Variants in XPO6 observed in about 807,000 individuals in gnomAD.
XPO6 encodes the protein exportin 6.
In XPO6, 3 loss-of-function variants were observed where a neutral mutation model predicts 130.0. The ratio of observed to expected loss-of-function variants is 0.02; its 90% CI spans 0.01 to 0.06. XPO6 has a LOEUF of 0.06. XPO6 is among the 10% of genes least tolerant of loss of function. XPO6 has a pLI of 1.00. For missense variants in XPO6, 970 were observed against 1,393.0 expected, an observed-to-expected ratio of 0.70 and a Z score of 4.83; for synonymous variants, 524 against 548.9, an observed-to-expected ratio of 0.95 and a Z score of 0.63.
At chr16:28,121,240 T>C (rs28510842) in intron 14 of XPO6, among the ~76,000 whole-genome samples, 151,759 of 152,384 alleles carry the variant, frequency 1, 75,577 homozygotes, top group Middle Eastern at 1. Flanking sequence ...CTCTGAGAAA[T>C]GTGTTCCCCA....
intron 21 of XPO6, among the ~76,000 whole-genome samples, chr16:28,102,450 A>G (rs999814386): frequency 5.9e-5 from 9 of 152,214 alleles, no homozygotes; most frequent in Non-Finnish European, 1.2e-4. Context: ...AAAAGTTACT[A>G]GTTCAGTCCA....
intron 11 of XPO6, among the ~76,000 whole-genome samples, chr16:28,133,273 G>T (rs111734035): frequency 6.6e-5 from 10 of 152,036 alleles, no homozygotes. Context: ...GTAGGTGGAG[G>T]TTGCAGTGAG....
At position 28,192,196 on chromosome 16, in the gene XPO6, G is replaced by A. The variant is rs868191890; in HGVS notation, c.4-11165C>T. Among the ~76,000 whole-genome samples, 39 of 145,784 alleles carry A rather than the reference G, an allele frequency of 2.7e-4. No homozygotes were observed. The Middle Eastern group carries it at 0.011, about 42-fold the overall frequency. ...GAGAATCACTTGAACCCAGGTGGCA[G>A]AGACTGCAGTGAGCAGAGATCGGGC... On this transcript the variant is annotated intron_variant, in intron 1 of 23. Transcript: ENST00000304658.
intron 8 of XPO6, among the ~76,000 whole-genome samples, chr16:28,150,218 G>A (rs74014221): frequency 0.054 from 8,223 of 152,166 alleles, 573 homozygotes; most frequent in East Asian, 0.17. Flanking sequence ...CTCCCAGAAA[G>A]GAAGGTCCTC....
At chr16:28,150,911 A>G (rs1343714367) in intron 8 of XPO6, among the ~76,000 whole-genome samples, 3 of 152,070 alleles carry the variant, frequency 2.0e-5, no homozygotes, top group African/African-American at 7.2e-5. Context: ...CCTGAGGACT[A>G]TGACCTCGGC....
intron 2 of XPO6, among the ~76,000 whole-genome samples, chr16:28,178,626 G>A (rs1596940199): frequency 6.6e-6 from 1 of 152,034 alleles, no homozygotes; most frequent in African/African-American, 2.4e-5. Context: ...CGACAACTTA[G>A]GAGAGTGTCA....
At chr16:28,147,997 G>A (rs1399054419) in intron 8 of XPO6, among the ~76,000 whole-genome samples, 1 of 152,030 alleles carries the variant, frequency 6.6e-6, no homozygotes, top group Non-Finnish European at 1.5e-5. Flanking sequence ...CACTAGACTT[G>A]CCCATCCAAG....
At chr16:28,117,015 A>C in intron 15 of XPO6, 15 of 290,416 alleles carry the variant, frequency 5.2e-5, no homozygotes, top group Non-Finnish European at 7.5e-5. Flanking sequence ...AACTGTGCTT[A>C]CCGCGCGAAG....
In XPO6 at chr16:28,117,383, T is replaced by C. The variant is rs1055803411; in HGVS notation, c.1939A>G (p.Thr647Ala). 11 of 1,614,204 alleles carry C rather than the reference T, an allele frequency of 6.8e-6. No homozygotes were observed. Among genetic ancestry groups the C allele is most frequent in the Non-Finnish European group, 8.5e-6 (10 of 1,180,038 alleles). ...QYCSEVHRQN[T>A]QQFVTLISTT... is the part of the protein sequence containing the mutation. ...GAGATGAGTGTCACGAACTGCTGCGTGTTCTGCCGGTGAACTTCACTGCAA... is the reference window on the plus strand; with the variant it reads ...GAGATGAGTGTCACGAACTGCTGCGCGTTCTGCCGGTGAACTTCACTGCAA... The change falls in exon 15 of 24, where the codon ACG becomes GCG. Residue 647 changes from threonine (T) to alanine (A), a missense_variant. Thr to Ala is a moderately conservative substitution (Grantham distance 58). Coordinates refer to ENST00000304658, the MANE Select transcript of XPO6 (RefSeq NM_015171.4).
At chr16:28,111,779 C>G (rs1194668171) in intron 17 of XPO6, 38 bp downstream of exon 17, 2 of 1,602,794 alleles carry the variant, frequency 1.2e-6, no homozygotes, top group East Asian at 4.5e-5. Context: ...TGCCTGCCTA[C>G]CTCCTTCCCC....
intron 8 of XPO6, among the ~76,000 whole-genome samples, chr16:28,150,996 C>T (rs915783467): frequency 6.6e-5 from 10 of 151,808 alleles, no homozygotes; most frequent in Non-Finnish European, 1.2e-4. Flanking sequence ...TTTGGCCTTC[C>T]CTCCCCTGCT....
intron 1 of XPO6, among the ~76,000 whole-genome samples, chr16:28,184,397 T>A (rs565012543): frequency 3.2e-4 from 48 of 152,088 alleles, no homozygotes; most frequent in African/African-American, 1.0e-3. Context: ...AGATACAGAG[T>A]ATCTTCACGA....
intron 9 of XPO6, among the ~76,000 whole-genome samples, chr16:28,139,475 A>C (rs2042844858): frequency 1.3e-5 from 2 of 152,262 alleles, no homozygotes; most frequent in African/African-American, 4.8e-5. Context: ...AGGAAGGAAA[A>C]GCAAGAGAAA....
At chr16:28,164,233 C>A (rs1180860878) in intron 6 of XPO6, among the ~76,000 whole-genome samples, 1 of 152,176 alleles carries the variant, frequency 6.6e-6, no homozygotes, top group African/African-American at 2.4e-5. Context: ...CTTCACTGGG[C>A]CCTACAGTTT....
chr16:28,133,730 T>C (rs2042720178), intron 11 of XPO6, 111 bp downstream of exon 11: 2 of 940,818 alleles, frequency 2.1e-6, no homozygotes, highest in Non-Finnish European at 3.2e-6. Flanking sequence ...TTTTTAAAAA[T>C]TACATAGAGG....
At chr16:28,139,648 C>T (rs2042849068) in intron 9 of XPO6, among the ~76,000 whole-genome samples, 1 of 152,076 alleles carries the variant, frequency 6.6e-6, no homozygotes, top group African/African-American at 2.4e-5. Context: ...GGACTCTAAT[C>T]TATATGGTGG....
intron 15 of XPO6, among the ~76,000 whole-genome samples, chr16:28,116,265 T>A (rs950717698): frequency 3.9e-5 from 6 of 152,016 alleles, no homozygotes; most frequent in African/African-American, 1.5e-4. Flanking sequence ...ATCAAGACCA[T>A]CCTGGCTAAC....
intron 7 of XPO6, chr16:28,154,760 T>A (rs1033084277): frequency 2.0e-5 from 3 of 152,148 alleles, no homozygotes; most frequent in African/African-American, 7.2e-5. Flanking sequence ...TGTGACTACA[T>A]TATGATTAAA....
intron 5 of XPO6, among the ~76,000 whole-genome samples, chr16:28,168,365 C>G (rs944734256): frequency 6.6e-6 from 1 of 152,070 alleles, no homozygotes; most frequent in African/African-American, 2.4e-5. Flanking sequence ...TGCCTGTAGT[C>G]CCAGCTTCTG....
Sources: allele counts gnomAD v4.1 joint callset (sites outside exome capture counted in the v4.1 genomes callset), GRCh38; gene constraint gnomAD v4.1.1; transcripts MANE v1.5; gene names NCBI Gene and HGNC (gene_info 2026-07-23, HGNC 2026-07-21).